RNF4: variants seen among roughly 807,000 people sequenced by gnomAD.
RNF4 encodes ring finger protein 4, also known as E3 ubiquitin-protein ligase RNF4.
Under a neutral mutation model 24.3 loss-of-function variants are expected in RNF4, and 7 were observed. That is an observed-to-expected ratio of 0.29 (90% CI 0.16 to 0.54). The LOEUF is 0.54. RNF4 is among the 20% of genes least tolerant of loss of function. The probability of loss-of-function intolerance (pLI) is 0.95; values close to 1 mark genes in which losing one functional copy is unlikely to be tolerated. For synonymous variants in RNF4, 83 were observed against 84.3 expected (o/e 0.98, Z 0.09); for missense variants, 209 against 248.5 (o/e 0.84, Z 1.07).
intron 1 of RNF4, among the ~76,000 whole-genome samples, chr4:2,475,810 T>A (rs1735053450): frequency 6.6e-6 from 1 of 152,184 alleles, no homozygotes; most frequent in Admixed American, 6.5e-5. Context: ...CCCATTTTAC[T>A]CTTCCTGAGG....
chr4:2,494,012 T>G (rs1425958054), intron 2 of RNF4, among the ~76,000 whole-genome samples: 1 of 151,566 alleles, frequency 6.6e-6, no homozygotes, highest in Non-Finnish European at 1.5e-5. Flanking sequence ...CCAGCTACTT[T>G]TTGTGTTATT....
intron 1 of RNF4, among the ~76,000 whole-genome samples, chr4:2,477,539 C>CAT (rs1192187606): frequency 6.6e-6 from 1 of 152,080 alleles, no homozygotes; most frequent in Non-Finnish European, 1.5e-5. Flanking sequence ...GAGCCGAGAT[C>CAT]ATGCCACTGC....
intron 1 of RNF4, among the ~76,000 whole-genome samples, chr4:2,472,227 G>C (rs1370473895): frequency 1.3e-5 from 2 of 152,164 alleles, no homozygotes; most frequent in Non-Finnish European, 2.9e-5. Flanking sequence ...CATTGAAACA[G>C]GAAAGCCTGT....
chr4:2,495,776 G>C (rs1027955772), intron 2 of RNF4, among the ~76,000 whole-genome samples: 4 of 152,174 alleles, frequency 2.6e-5, no homozygotes, highest in Non-Finnish European at 5.9e-5. Context: ...GGGATTACAG[G>C]CATGTGCCAC....
intron 2 of RNF4, among the ~76,000 whole-genome samples, chr4:2,491,293 G>A (rs762434430): frequency 9.2e-5 from 14 of 152,196 alleles, no homozygotes; most frequent in Non-Finnish European, 1.8e-4. Context: ...CTGGAGTGCA[G>A]TGGCCCGACC....
At chr4:2,494,991 T>C (rs780144749) in intron 2 of RNF4, among the ~76,000 whole-genome samples, 3 of 152,258 alleles carry the variant, frequency 2.0e-5, no homozygotes, top group Non-Finnish European at 4.4e-5. Flanking sequence ...GGAAAGTCTT[T>C]GAAGAGGAAC....
At chr4:2,479,789 T>G (rs1043907617) in intron 1 of RNF4, 1 of 152,212 alleles carries the variant, frequency 6.6e-6, no homozygotes, top group Non-Finnish European at 1.5e-5. Context: ...TTTCTTTGTT[T>G]CCTAATTGTG....
At chr4:2,493,315 CAGAAA>C (rs970538402) in intron 2 of RNF4, among the ~76,000 whole-genome samples, 3 of 151,584 alleles carry the variant, frequency 2.0e-5, no homozygotes, top group Non-Finnish European at 2.9e-5. Flanking sequence ...ATAGAGCAGG[CAGAAA>C]AGAGGATTCC....
At chr4:2,478,398 A>G (rs1311476306) in intron 1 of RNF4, among the ~76,000 whole-genome samples, 1 of 152,214 alleles carries the variant, frequency 6.6e-6, no homozygotes, top group Non-Finnish European at 1.5e-5. Flanking sequence ...AGTGGGGGGA[A>G]ATGTCTCCAG....
chr4:2,473,608 CA>C (rs1734976803), intron 1 of RNF4, among the ~76,000 whole-genome samples: 4 of 150,312 alleles, frequency 2.7e-5, no homozygotes, highest in Non-Finnish European at 5.9e-5. Context: ...GTCAGGAGTT[CA>C]CAACCAGCCT....
At chr4:2,485,184 G>A (rs1308867386) in intron 1 of RNF4, among the ~76,000 whole-genome samples, 2 of 152,136 alleles carry the variant, frequency 1.3e-5, no homozygotes, top group African/African-American at 4.8e-5. Flanking sequence ...CGACTCCTTT[G>A]CTGCTGCTTC....
Position 2,495,168 on chromosome 4 carries a change from C to T in RNF4, c.10-1839C>T, listed in dbSNP as rs116732707. On this transcript the variant is annotated intron_variant, in intron 2 of 7. Transcript: ENST00000314289. The stretch of plus-strand genomic sequence containing the variant: ...GCTTGGCCTCTGGGCCCTCCTGGGG[C>T]TGGTTCTGTGCTCCTTAGTCCGTGG... Among the ~76,000 whole-genome samples, 1,319 of 152,326 alleles carry T rather than the reference C, an allele frequency of 8.7e-3. 15 individuals carry two copies. Among genetic ancestry groups the T allele is most frequent in the African/African-American group, 0.03 (1,248 of 41,570 alleles).
chr4:2,492,054 C>T (rs1271545738), intron 2 of RNF4, among the ~76,000 whole-genome samples: 3 of 151,946 alleles, frequency 2.0e-5, no homozygotes, highest in African/African-American at 7.2e-5. Context: ...AAAAATTAGC[C>T]AGGCATAGTT....
rs1347811304 is a variant in RNF4, at chr4:2,515,258, A to G, written c.*1439A>G. 1 of 152,678 alleles carries G rather than the reference A, an allele frequency of 6.5e-6. No homozygotes were observed. Among genetic ancestry groups the G allele is most frequent in the Admixed American group, 6.5e-5 (1 of 15,284 alleles). The allele number at this position is 152,678 out of a possible 1,614,324, so 9.5% of individuals were successfully genotyped here. A position where few individuals can be genotyped will look rare whatever the true frequency, so the allele number is the denominator to read the frequency against. On this transcript the variant is annotated 3_prime_UTR_variant, in exon 8 of 8. Transcript: ENST00000314289. ...TGAAGGAGCAGGGACTCAGCACAGA[A>G]TTCACTTTAGACGGGGCTGAAGGAG...
chr4:2,474,638 G>A (rs545688609), intron 1 of RNF4, among the ~76,000 whole-genome samples: 9 of 152,340 alleles, frequency 5.9e-5, no homozygotes, highest in African/African-American at 2.2e-4. Flanking sequence ...AAGTTCCACT[G>A]TGGGTAAAAT....
intron 3 of RNF4, among the ~76,000 whole-genome samples, chr4:2,497,508 G>A (rs989659344): frequency 3.9e-5 from 6 of 152,176 alleles, no homozygotes; most frequent in Admixed American, 3.9e-4. Context: ...TTGGAGCTTG[G>A]TATAGGCAGA....
intron 2 of RNF4, among the ~76,000 whole-genome samples, chr4:2,493,920 G>A (rs1735655053): frequency 6.6e-6 from 1 of 150,734 alleles, no homozygotes; most frequent in Non-Finnish European, 1.5e-5. Context: ...TTGGCTCACT[G>A]CAACCTCTGC....
In RNF4 at chr4:2,512,703, C is replaced by A; in HGVS notation, c.374+106C>A. The stretch of plus-strand genomic sequence containing the variant: ...GAGCCCTTGGCCCTGGAAGGGCTTG[C>A]CCAAGCCTCTACCCAGCATCTGGAT... On this transcript the variant is annotated intron_variant, in intron 6 of 7. Transcript: ENST00000314289. This position sits in a 1 kb window ranked among gnomAD's most constrained non-coding sequence, Gnocchi z 4.1. 1 of 1,314,822 alleles carries A rather than the reference C, an allele frequency of 7.6e-7. No homozygotes were observed. Among genetic ancestry groups the A allele is most frequent in the Non-Finnish European group, 1.0e-6 (1 of 961,908 alleles). 81.4% of individuals were successfully genotyped at this position (1,314,822 alleles called of 1,614,324 possible).
At chr4:2,509,289 C>T (rs1736198243) in intron 4 of RNF4, among the ~76,000 whole-genome samples, 1 of 152,046 alleles carries the variant, frequency 6.6e-6, no homozygotes, top group Non-Finnish European at 1.5e-5. Context: ...GTGACCTCGG[C>T]TCACTGCCCC....
Sources: gnomAD v4.1 joint callset for allele counts (sites outside exome capture counted in the v4.1 genomes callset) on GRCh38, gnomAD v4.1.1 for gene constraint, Gnocchi (gnomAD v3.1) non-coding constraint, MANE v1.5 for transcripts, NCBI Gene and HGNC (gene_info 2026-07-23, HGNC 2026-07-21) for gene names.